PLCE1: variants seen among roughly 807,000 people sequenced by gnomAD.
PLCE1 encodes 1-phosphatidylinositol 4,5-bisphosphate phosphodiesterase epsilon-1.
Under a neutral mutation model 242.8 loss-of-function variants are expected in PLCE1, and 119 were observed. The observed-to-expected ratio is 0.49, with a 90% CI of 0.42 to 0.57. PLCE1 has a LOEUF of 0.57. PLCE1 is among the 20% of genes least tolerant of loss of function. The pLI, the probability that PLCE1 is intolerant of heterozygous loss-of-function variation, is 0.00. For missense variants in PLCE1, 2,441 were observed against 2,788.8 expected, an observed-to-expected ratio of 0.88 and a Z score of 2.81; for synonymous variants, 945 against 1,017.4, an observed-to-expected ratio of 0.93 and a Z score of 1.35.
At chr10:94,094,868 C>A (rs1461338507) in intron 2 of PLCE1, 1 of 152,108 alleles carries the variant, frequency 6.6e-6, no homozygotes, top group African/African-American at 2.4e-5. Flanking sequence ...ATATCTAATT[C>A]CATAGAAGTA....
At chr10:94,218,980 T>C (rs1288628356) in intron 4 of PLCE1, among the ~76,000 whole-genome samples, 2 of 147,604 alleles carry the variant, frequency 1.4e-5, no homozygotes, top group East Asian at 3.9e-4. Context: ...TAATTAATTA[T>C]AGTTATATAT....
At chr10:94,316,893 A>G in intron 29 of PLCE1, 137 bp downstream of exon 29, 1 of 715,630 alleles carries the variant, frequency 1.4e-6, no homozygotes, top group Non-Finnish European at 2.6e-6. Context: ...AATGTGGATG[A>G]ACAGTTTTAT....
chr10:94,187,762 A>G (rs772177040), intron 4 of PLCE1, among the ~76,000 whole-genome samples: 3 of 152,196 alleles, frequency 2.0e-5, no homozygotes, highest in Non-Finnish European at 4.4e-5. Flanking sequence ...TAATCCCACG[A>G]TTCAGATTCC....
At chr10:94,319,954 C>T (rs1201107522) in intron 29 of PLCE1, among the ~76,000 whole-genome samples, 2 of 141,184 alleles carry the variant, frequency 1.4e-5, no homozygotes, top group East Asian at 2.1e-4. Flanking sequence ...ACTGCAAATT[C>T]CGCCTCCCGG....
chr10:94,087,582 G>A (rs1258869514), intron 2 of PLCE1, among the ~76,000 whole-genome samples: 1 of 151,874 alleles, frequency 6.6e-6, no homozygotes, highest in Non-Finnish European at 1.5e-5. Context: ...GACTACAGGC[G>A]CACACCACCA....
Position 94,235,901 on chromosome 10 carries a change from AT to A in PLCE1, c.2215-5del, listed in dbSNP as rs375190245. 1.8e-4 allele frequency: 288 copies of A among 1,590,370 alleles called. 1 individual carries two copies. The highest frequency in any genetic ancestry group is 1.5e-3 in the South Asian group (135 of 90,372). Reference sequence around the variant, plus strand: ...ATTAAGTTGCAATAGCAAATTCTCGATTTTTTTTTGTAGTTTGTAGCAGATT... The same window carrying A: ...ATTAAGTTGCAATAGCAAATTCTCGATTTTTTTTGTAGTTTGTAGCAGATT... On this transcript the variant is annotated splice_polypyrimidine_tract_variant and intron_variant, in intron 6 of 32. Transcript: ENST00000371380.
chr10:94,290,908 T>C (rs1487781277), intron 22 of PLCE1, among the ~76,000 whole-genome samples: 2 of 152,158 alleles, frequency 1.3e-5, no homozygotes, highest in Non-Finnish European at 2.9e-5. Flanking sequence ...CACAAGCACT[T>C]GAGTAATGTG....
At chr10:94,267,183 C>T (rs534975330) in intron 16 of PLCE1, among the ~76,000 whole-genome samples, 25 of 152,166 alleles carry the variant, frequency 1.6e-4, no homozygotes, top group South Asian at 1.5e-3. Context: ...CATATACATG[C>T]GTGTACATAT....
chr10:94,301,031 C>G (rs2053016314), intron 24 of PLCE1, among the ~76,000 whole-genome samples: 2 of 149,488 alleles, frequency 1.3e-5, no homozygotes, highest in Admixed American at 6.7e-5. Context: ...GGTGACAGAG[C>G]GAGACACTGT....
At chr10:94,181,100 C>T (rs1007738468) in intron 4 of PLCE1, among the ~76,000 whole-genome samples, 12 of 152,310 alleles carry the variant, frequency 7.9e-5, no homozygotes, top group South Asian at 2.1e-4. Flanking sequence ...AGGACTGGCA[C>T]GCATGCACTC....
At position 94,298,754 on chromosome 10, in the gene PLCE1, G is replaced by C; in HGVS notation, c.5458+85G>C. 1 of 1,378,056 alleles carries C rather than the reference G, an allele frequency of 7.3e-7. No homozygotes were observed. Among genetic ancestry groups the C allele is most frequent in the South Asian group, 1.2e-5 (1 of 85,956 alleles). 85.4% of individuals were successfully genotyped at this position (1,378,056 alleles called of 1,614,324 possible). A position where few individuals can be genotyped will look rare whatever the true frequency, so the allele number is the denominator to read the frequency against. On this transcript the variant is annotated intron_variant, in intron 24 of 32. Coordinates refer to ENST00000371380, the MANE Select transcript of PLCE1 (RefSeq NM_016341.4). The surrounding 1 kb of genome is among the most constrained non-coding windows in gnomAD (Gnocchi z 5.2). ...TGACAGCATTTTTTCAAAGGGGCAA[G>C]ATTCCAGACTGGGGCACACCATATG...
intron 4 of PLCE1, among the ~76,000 whole-genome samples, chr10:94,218,641 A>G (rs1033862184): frequency 2.6e-5 from 4 of 152,048 alleles, no homozygotes; most frequent in African/African-American, 7.2e-5. Flanking sequence ...TACTTTTCTT[A>G]TACTTGCTTT....
At chr10:94,019,306 T>C (rs905248520) in intron 1 of PLCE1, among the ~76,000 whole-genome samples, 1 of 152,190 alleles carries the variant, frequency 6.6e-6, no homozygotes, top group Non-Finnish European at 1.5e-5. Context: ...AAGGAGCAAG[T>C]GGGATTGAAA....
At chr10:94,277,319 C>G (rs1294926766) in intron 19 of PLCE1, among the ~76,000 whole-genome samples, 1 of 152,166 alleles carries the variant, frequency 6.6e-6, no homozygotes, top group Non-Finnish European at 1.5e-5. Flanking sequence ...CCTGCTTAGC[C>G]CTATGAGGGC....
In PLCE1 at chr10:94,169,612, C is replaced by T. The variant is rs76858887; in HGVS notation, c.1493-1568C>T. ...AACAGTCGAATGACTGTGAGGAAAG[C>T]AAACGCAGGTTTGGGAATGTGAGAA... On this transcript the variant is annotated intron_variant, in intron 3 of 32. Coordinates refer to ENST00000371380, the MANE Select transcript of PLCE1 (RefSeq NM_016341.4). Among the ~76,000 whole-genome samples, 636 of 152,256 alleles carry T rather than the reference C, an allele frequency of 4.2e-3. 5 individuals carry two copies. The highest frequency in any genetic ancestry group is 0.013 in the African/African-American group (549 of 41,540).
intron 4 of PLCE1, among the ~76,000 whole-genome samples, chr10:94,200,220 T>C (rs1468147084): frequency 6.6e-6 from 1 of 152,202 alleles, no homozygotes; most frequent in African/African-American, 2.4e-5. Context: ...GCTCAGATCT[T>C]GGTTTCTAAA....
At chr10:94,072,350 C>T (rs1025727999) in intron 2 of PLCE1, among the ~76,000 whole-genome samples, 1 of 152,044 alleles carries the variant, frequency 6.6e-6, no homozygotes, top group African/African-American at 2.4e-5. Flanking sequence ...GATCTCAGCT[C>T]ACTGCAAGCT....
chr10:93,997,632 C>CTTTTTT (rs34338995), intron 1 of PLCE1, among the ~76,000 whole-genome samples: 124 of 79,818 alleles, frequency 1.6e-3, no homozygotes, highest in Non-Finnish European at 1.9e-3. Context: ...AATAACCATC[C>CTTTTTT]TTTTTTTTTT....
At chr10:94,255,914 A>ACACACTCTCTCTCTCTCT (rs1284531207) in intron 11 of PLCE1, among the ~76,000 whole-genome samples, 13 of 67,288 alleles carry the variant, frequency 1.9e-4, no homozygotes, top group Non-Finnish European at 3.0e-4. Context: ...ACACACACAC[A>ACACACTCTCTCTCTCTCT]CTCTCTCTCT....
Sources: allele counts gnomAD v4.1 joint callset (sites outside exome capture counted in the v4.1 genomes callset), GRCh38; gene constraint gnomAD v4.1.1; non-coding constraint Gnocchi (gnomAD v3.1); transcripts MANE v1.5; gene names NCBI Gene and HGNC (gene_info 2026-07-23, HGNC 2026-07-21).